Variants in ERC2 observed in about 807,000 individuals in gnomAD.
The protein encoded by ERC2 is ERC protein 2.
ERC2 carries 42 observed loss-of-function variants against 114.8 expected under a neutral mutation model. The observed-to-expected ratio is 0.37, with a 90% confidence interval of 0.29 to 0.47. The LOEUF is 0.47. Among genes scored for constraint, ERC2 ranks in the 20% least tolerant of loss-of-function variants. ERC2 has a pLI of 0.99. For missense variants in ERC2, 939 were observed against 1,150.7 expected, an observed-to-expected ratio of 0.82 and a Z score of 2.66; for synonymous variants, 454 against 425.5, an observed-to-expected ratio of 1.07 and a Z score of -0.82.
chr3:56,205,025 A>T (rs977040938), intron 3 of ERC2, among the ~76,000 whole-genome samples: 2 of 151,942 alleles, frequency 1.3e-5, no homozygotes, highest in African/African-American at 4.8e-5. Context: ...CTTCAAAAGT[A>T]CTTTCACATA....
At chr3:55,666,066 G>T (rs2061345451) in intron 17 of ERC2, among the ~76,000 whole-genome samples, 1 of 152,134 alleles carries the variant, frequency 6.6e-6, no homozygotes, top group African/African-American at 2.4e-5. Context: ...AACCTGTAAG[G>T]GGCTCACACC....
At chr3:55,611,067 G>A (rs1212249142) in intron 17 of ERC2, among the ~76,000 whole-genome samples, 1 of 152,108 alleles carries the variant, frequency 6.6e-6, no homozygotes. Context: ...GCCAAAAATG[G>A]TAAAGCTTCA....
intron 2 of ERC2, among the ~76,000 whole-genome samples, chr3:56,380,516 G>A (rs944026337): frequency 4.0e-5 from 6 of 151,340 alleles, no homozygotes; most frequent in Admixed American, 1.3e-4. Context: ...GTGTCTCTTC[G>A]CTCTATTTGG....
chr3:55,747,814 T>C (rs4955874), intron 14 of ERC2, among the ~76,000 whole-genome samples: 27,356 of 152,254 alleles, frequency 0.18, 2,738 homozygotes, highest in Admixed American at 0.29. Context: ...TGCGTCTACA[T>C]ACATACACCT....
chr3:56,345,845 T>C (rs889850133), intron 2 of ERC2, among the ~76,000 whole-genome samples: 2 of 152,226 alleles, frequency 1.3e-5, no homozygotes, highest in Admixed American at 6.5e-5. Context: ...GCATATGTCA[T>C]GGAGTGTGCA....
intron 16 of ERC2, among the ~76,000 whole-genome samples, chr3:55,684,438 C>T (rs146764136): frequency 1.8e-3 from 274 of 152,196 alleles, no homozygotes; most frequent in African/African-American, 6.2e-3. Context: ...TCTTAGTTGA[C>T]AGATTCTATT....
At chr3:56,046,529 A>T (rs1017063593) in intron 7 of ERC2, among the ~76,000 whole-genome samples, 1 of 152,234 alleles carries the variant, frequency 6.6e-6, no homozygotes, top group African/African-American at 2.4e-5. Context: ...TATGACAATC[A>T]TATCCATAGC....
intron 1 of ERC2, among the ~76,000 whole-genome samples, chr3:56,456,998 T>C (rs2063094218): frequency 6.6e-6 from 1 of 152,216 alleles, no homozygotes; most frequent in Admixed American, 6.5e-5. Flanking sequence ...GGATATTGAA[T>C]AGTGTTCTAG....
At chr3:55,727,855 G>A (rs560837987) in intron 15 of ERC2, among the ~76,000 whole-genome samples, 80 of 152,232 alleles carry the variant, frequency 5.3e-4, no homozygotes, top group Middle Eastern at 3.4e-3. Flanking sequence ...CAAAATTGCC[G>A]CCACCCCAAT....
intron 2 of ERC2, among the ~76,000 whole-genome samples, chr3:56,396,485 T>C (rs969242): frequency 0.9 from 136,578 of 152,190 alleles, 61,988 homozygotes; most frequent in East Asian, 1. Context: ...TGGTTTGACA[T>C]GTGCTCACAT....
chr3:56,327,344 A>G (rs1296729932), intron 2 of ERC2, among the ~76,000 whole-genome samples: 1 of 152,224 alleles, frequency 6.6e-6, no homozygotes, highest in Non-Finnish European at 1.5e-5. Flanking sequence ...ATATCTCGTG[A>G]GAACTCACTC....
At chr3:56,417,376 C>CT (rs892257617) in intron 2 of ERC2, among the ~76,000 whole-genome samples, 1 of 151,284 alleles carries the variant, frequency 6.6e-6, no homozygotes. Context: ...TGAGTCTTTC[C>CT]TTTTTTTTTA....
intron 14 of ERC2, among the ~76,000 whole-genome samples, chr3:55,886,664 T>G (rs1242750496): frequency 6.6e-6 from 1 of 152,220 alleles, no homozygotes; most frequent in Non-Finnish European, 1.5e-5. Context: ...ACACATATAT[T>G]GACATTTATA....
intron 10 of ERC2, among the ~76,000 whole-genome samples, chr3:55,995,098 G>C (rs1226195631): frequency 6.6e-6 from 1 of 152,180 alleles, no homozygotes; most frequent in Non-Finnish European, 1.5e-5. Context: ...ACTTTGGGAG[G>C]CCAAGGTGGG....
intron 7 of ERC2, among the ~76,000 whole-genome samples, chr3:56,066,278 T>C (rs1044870208): frequency 8.5e-5 from 13 of 152,354 alleles, no homozygotes; most frequent in Admixed American, 7.2e-4. Flanking sequence ...GGTTTTGATT[T>C]GCATTTCTCT....
intron 17 of ERC2, among the ~76,000 whole-genome samples, chr3:55,660,445 C>G (rs2061075871): frequency 6.6e-6 from 1 of 151,770 alleles, no homozygotes; most frequent in African/African-American, 2.4e-5. Context: ...GTGCTCTGAG[C>G]TTTGGCTTGC....
At chr3:56,176,834 A>G (rs935515994) in intron 3 of ERC2, among the ~76,000 whole-genome samples, 2 of 152,210 alleles carry the variant, frequency 1.3e-5, no homozygotes, top group African/African-American at 4.8e-5. Context: ...AGTTGTTGCT[A>G]GGAGGCCCCA....
chr3:55,991,972 G>A, intron 11 of ERC2, 85 bp downstream of exon 11: 1 of 1,218,930 alleles, frequency 8.2e-7, no homozygotes, highest in South Asian at 1.4e-5. Context: ...TGAATGTACA[G>A]TCCAAATCCA....
At chr3:56,001,263 T>C (rs541983871) in intron 10 of ERC2, among the ~76,000 whole-genome samples, 2 of 152,194 alleles carry the variant, frequency 1.3e-5, no homozygotes, top group Admixed American at 1.3e-4. Context: ...TGCCGTGAGA[T>C]GTCCTGTTAT....
Sources: allele counts gnomAD v4.1 joint callset (sites outside exome capture counted in the v4.1 genomes callset), GRCh38; gene constraint gnomAD v4.1.1; transcripts MANE v1.5; gene names NCBI Gene and HGNC (gene_info 2026-07-23, HGNC 2026-07-21).